Variants in EIF4G3 observed in about 807,000 individuals in gnomAD.
EIF4G3 encodes eIF-4-gamma 3.
EIF4G3 carries 34 observed loss-of-function variants against 186.4 expected under a neutral mutation model. That is an observed-to-expected ratio of 0.18 (90% CI 0.14 to 0.24). The LOEUF (loss-of-function observed/expected upper bound fraction) is 0.24. EIF4G3 is among the 10% of genes least tolerant of loss of function. EIF4G3 has a pLI of 1.00. For synonymous variants in EIF4G3, 673 were observed against 679.5 expected, an observed-to-expected ratio of 0.99 and a Z score of 0.15; for missense variants, 1,536 against 1,948.5, an observed-to-expected ratio of 0.79 and a Z score of 3.99.
chr1:20,869,511 C>T (rs1298036735), intron 20 of EIF4G3, among the ~76,000 whole-genome samples: 1 of 151,754 alleles, frequency 6.6e-6, no homozygotes, highest in African/African-American at 2.4e-5. Context: ...TGCAGTGGCT[C>T]ACGCCTGTAA....
rs1196276487 is a variant in EIF4G3, at chr1:20,865,250, T to C, written c.2635A>G (p.Met879Val). Residue 879 changes from methionine (M) to valine (V), a missense_variant, in exon 21 of 37, where the codon ATG (methionine) becomes GTG (valine). This residue lies in a region of EIF4G3 where 77 missense variants were observed against 131.6 expected (regional missense o/e 0.59). Transcript: ENST00000602326. ...ACTGTGTTACCAGGCTTGTCTGCCATGGGTACTTTCAGCTACATCCAGACA... is the reference window on the plus strand; with the variant it reads ...ACTGTGTTACCAGGCTTGTCTGCCACGGGTACTTTCAGCTACATCCAGACA... ...CRCLVTLKVP[M>V]ADKPGNTVNF... 1.2e-6 allele frequency: 2 copies of C among 1,613,988 alleles called. No individual in the cohort carries two copies. Among genetic ancestry groups the C allele is most frequent in the East Asian group, 2.2e-5 (1 of 44,884 alleles).
At chr1:20,977,052 A>G (rs1245405026) in intron 10 of EIF4G3, among the ~76,000 whole-genome samples, 1 of 151,580 alleles carries the variant, frequency 6.6e-6, no homozygotes, top group East Asian at 1.9e-4. Context: ...TAAATATTCC[A>G]TGTTAATTTA....
Position 20,806,771 on chromosome 1 carries a change from G to A in EIF4G3, c.*548C>T, listed in dbSNP as rs1250929788. On this transcript the variant is annotated 3_prime_UTR_variant, in exon 37 of 37. Coordinates refer to ENST00000602326, the MANE Select transcript of EIF4G3 (RefSeq NM_001391906.1). ...TTAAATTTTCTGAAGCAAGCTGAGA[G>A]GCAGGCAGAAAGATTTGATGCCAAA... 2 of 151,674 alleles carry A rather than the reference G, an allele frequency of 1.3e-5. No individual in the cohort carries two copies. Among genetic ancestry groups the A allele is most frequent in the African/African-American group, 4.9e-5 (2 of 41,218 alleles). The allele number at this position is 151,674 out of a possible 1,614,324, so 9.4% of individuals were successfully genotyped here. A position where few individuals can be genotyped will look rare whatever the true frequency, so the allele number is the denominator to read the frequency against.
intron 20 of EIF4G3, among the ~76,000 whole-genome samples, chr1:20,871,599 G>T (rs1400045957): frequency 6.6e-6 from 1 of 152,110 alleles, no homozygotes; most frequent in Non-Finnish European, 1.5e-5. Flanking sequence ...AATGCCTGTG[G>T]TCTAGAGGTT....
intron 11 of EIF4G3, among the ~76,000 whole-genome samples, chr1:20,972,432 G>A (rs769163409): frequency 2.9e-4 from 44 of 151,966 alleles, no homozygotes; most frequent in Admixed American, 8.5e-4. Context: ...TCAGGAGTTC[G>A]AGATCACCCT....
chr1:20,872,492 T>G lies in EIF4G3; in HGVS notation c.2622+6831A>C, dbSNP rs186076461. On this transcript the variant is annotated intron_variant, in intron 20 of 36. Coordinates refer to ENST00000602326, the MANE Select transcript of EIF4G3 (RefSeq NM_001391906.1). Reference sequence around the variant, plus strand: ...AAGCCTATAGTGGTTTTTAAGCTTTTCACTCTATTGCTTGTTTTTGTTTCA... The same window carrying G: ...AAGCCTATAGTGGTTTTTAAGCTTTGCACTCTATTGCTTGTTTTTGTTTCA... Among the ~76,000 whole-genome samples, 3 of 152,252 alleles carry G rather than the reference T, an allele frequency of 2.0e-5. No homozygotes were observed. In the East Asian group the frequency reaches 5.8e-4, roughly 29 times the overall value.
At chr1:21,137,274 C>T (rs946604301) in intron 2 of EIF4G3, among the ~76,000 whole-genome samples, 12 of 151,608 alleles carry the variant, frequency 7.9e-5, no homozygotes, top group Admixed American at 7.9e-4. Flanking sequence ...CTGATGACTA[C>T]CTGGGGCTAC....
At chr1:21,005,672 T>G (rs2154569287) in intron 4 of EIF4G3, among the ~76,000 whole-genome samples, 1 of 152,288 alleles carries the variant, frequency 6.6e-6, no homozygotes, top group Middle Eastern at 3.4e-3. Flanking sequence ...GAATTGGCAT[T>G]CAAAGATAAA....
chr1:20,821,383 A>G (rs2062304221), intron 33 of EIF4G3, among the ~76,000 whole-genome samples: 1 of 152,178 alleles, frequency 6.6e-6, no homozygotes, highest in African/African-American at 2.4e-5. Flanking sequence ...CAAAATTCCC[A>G]AATTCACTGA....
intron 2 of EIF4G3, among the ~76,000 whole-genome samples, chr1:21,145,480 G>A (rs1422433021): frequency 1.3e-5 from 2 of 150,738 alleles, no homozygotes; most frequent in East Asian, 3.9e-4. Context: ...TTCCCAGGCT[G>A]GTCTCAAACA....
At chr1:20,819,662 C>A (rs542075381) in intron 33 of EIF4G3, among the ~76,000 whole-genome samples, 1 of 152,096 alleles carries the variant, frequency 6.6e-6, no homozygotes, top group South Asian at 2.1e-4. Context: ...TAGAGGGGAA[C>A]AACACACACG....
At chr1:21,111,426 C>A in intron 2 of EIF4G3, 1 of 468,764 alleles carries the variant, frequency 2.1e-6, no homozygotes, top group South Asian at 1.6e-5. Flanking sequence ...GGGCTTAGCA[C>A]ATACTAAGCA....
At chr1:20,917,401 GGAGGCTGA>G (rs2094000408) in intron 14 of EIF4G3, among the ~76,000 whole-genome samples, 1 of 152,212 alleles carries the variant, frequency 6.6e-6, no homozygotes, top group Non-Finnish European at 1.5e-5. Flanking sequence ...CAGCTACTTG[GGAGGCTGA>G]GGCAGGAGGA....
chr1:21,168,855 T>A (rs1165025039), intron 2 of EIF4G3, among the ~76,000 whole-genome samples: 3 of 150,050 alleles, frequency 2.0e-5, no homozygotes, highest in African/African-American at 7.4e-5. Flanking sequence ...AAAAAAAAAA[T>A]CAGGACAGAA....
At chr1:21,149,223 C>T (rs1451475020) in intron 2 of EIF4G3, among the ~76,000 whole-genome samples, 5 of 151,936 alleles carry the variant, frequency 3.3e-5, no homozygotes, top group Admixed American at 3.3e-4. Flanking sequence ...CACATATATG[C>T]CAACCTATGT....
chr1:20,977,654 A>C (rs1311183272), intron 10 of EIF4G3, among the ~76,000 whole-genome samples: 1 of 152,200 alleles, frequency 6.6e-6, no homozygotes, highest in African/African-American at 2.4e-5. Flanking sequence ...GGAAGAAAGC[A>C]TATCTATGAA....
chr1:21,028,570 T>C (rs2092415277), intron 4 of EIF4G3, among the ~76,000 whole-genome samples: 1 of 152,254 alleles, frequency 6.6e-6, no homozygotes, highest in Admixed American at 6.5e-5. Flanking sequence ...TGTGTTATGA[T>C]TATCCTTTCA....
At chr1:20,934,524 G>A (rs182427184) in intron 14 of EIF4G3, among the ~76,000 whole-genome samples, 1 of 152,260 alleles carries the variant, frequency 6.6e-6, no homozygotes, top group East Asian at 1.9e-4. Context: ...GGCGTACCCA[G>A]TGTCCTCAAT....
chr1:20,822,592 T>C (rs1428521628), intron 33 of EIF4G3, among the ~76,000 whole-genome samples: 2 of 149,568 alleles, frequency 1.3e-5, no homozygotes, highest in African/African-American at 4.9e-5. Context: ...TAATTTCTTT[T>C]TTTTTTTTTT....
Sources: allele counts gnomAD v4.1 joint callset (sites outside exome capture counted in the v4.1 genomes callset), GRCh38; gene constraint gnomAD v4.1.1; regional missense constraint gnomAD v4.1.1; transcripts MANE v1.5; gene names NCBI Gene and HGNC (gene_info 2026-07-23, HGNC 2026-07-21).